Variants in KLHL29 observed in about 807,000 individuals in gnomAD.
KLHL29 encodes kelch-like protein 29.
Under a neutral mutation model 80.4 loss-of-function variants are expected in KLHL29, and 21 were observed. The ratio of observed to expected loss-of-function variants is 0.26; its 90% confidence interval spans 0.19 to 0.38. The LOEUF is 0.38. Among genes scored for constraint, KLHL29 ranks in the 10% least tolerant of loss-of-function variants. The pLI, the probability that KLHL29 is intolerant of heterozygous loss-of-function variation, is 1.00. For synonymous variants in KLHL29, 511 were observed against 526.8 expected (o/e 0.97, Z 0.41); for missense variants, 867 against 1,223.9 (o/e 0.71, Z 4.35).
At chr2:23,525,728 C>A (rs1032467314) in intron 2 of KLHL29, among the ~76,000 whole-genome samples, 11 of 53,648 alleles carry the variant, frequency 2.1e-4, no homozygotes, top group Admixed American at 4.4e-4. Context: ...CAGCCCCTGC[C>A]CCCCCCCCCC....
chr2:23,458,437 A>C (rs1184388102), intron 1 of KLHL29, among the ~76,000 whole-genome samples: 2 of 152,242 alleles, frequency 1.3e-5, no homozygotes. Context: ...CTCTATTGAC[A>C]AAACCAGCTG....
At chr2:23,441,518 GA>G (rs148996291) in intron 1 of KLHL29, among the ~76,000 whole-genome samples, 47 of 145,260 alleles carry the variant, frequency 3.2e-4, no homozygotes, top group African/African-American at 6.8e-4. Flanking sequence ...AGAAATCAGA[GA>G]AAAAAAAAAC....
intron 1 of KLHL29, among the ~76,000 whole-genome samples, chr2:23,429,149 T>G (rs1663094564): frequency 1.3e-5 from 2 of 152,214 alleles, no homozygotes; most frequent in Non-Finnish European, 2.9e-5. Context: ...TATGTTCACA[T>G]ACACCCAGGC....
intron 5 of KLHL29, among the ~76,000 whole-genome samples, chr2:23,671,089 T>C (rs1196047037): frequency 1.3e-5 from 2 of 150,216 alleles, no homozygotes; most frequent in East Asian, 4.0e-4. Context: ...TTCTGAGCTG[T>C]CATTAGCTCC....
At chr2:23,581,122 A>G (rs1210537422) in intron 3 of KLHL29, among the ~76,000 whole-genome samples, 3 of 152,148 alleles carry the variant, frequency 2.0e-5, no homozygotes, top group African/African-American at 7.2e-5. Flanking sequence ...CTCACATCCG[A>G]GAAAATAAGG....
chr2:23,553,526 T>C (rs1187085569), intron 2 of KLHL29, among the ~76,000 whole-genome samples: 2 of 152,136 alleles, frequency 1.3e-5, no homozygotes, highest in Non-Finnish European at 2.9e-5. Context: ...AACCCCACAT[T>C]TCATGTCCAC....
chr2:23,615,932 C>T (rs1302099711), intron 3 of KLHL29, among the ~76,000 whole-genome samples: 2 of 152,210 alleles, frequency 1.3e-5, no homozygotes, highest in Non-Finnish European at 2.9e-5. Flanking sequence ...TCCCCAGACC[C>T]CCTCTGCTTC....
chr2:23,671,432 G>A (rs570816514), intron 5 of KLHL29, among the ~76,000 whole-genome samples: 6 of 152,102 alleles, frequency 3.9e-5, no homozygotes, highest in Non-Finnish European at 8.8e-5. Flanking sequence ...GAAAGATTAG[G>A]TCTCCAGGAA....
At chr2:23,574,891 A>G (rs1667805065) in intron 3 of KLHL29, among the ~76,000 whole-genome samples, 1 of 152,124 alleles carries the variant, frequency 6.6e-6, no homozygotes, top group East Asian at 1.9e-4. Flanking sequence ...CCATCAGATG[A>G]TGGGTCTTCA....
chr2:23,631,243 G>A (rs1440749185), intron 3 of KLHL29, among the ~76,000 whole-genome samples: 2 of 152,134 alleles, frequency 1.3e-5, no homozygotes, highest in African/African-American at 4.8e-5. Context: ...CAGGCTCTCA[G>A]CAGGCTCGTT....
chr2:23,612,197 G>GA (rs1319224770), intron 3 of KLHL29, among the ~76,000 whole-genome samples: 5 of 152,182 alleles, frequency 3.3e-5, no homozygotes, highest in African/African-American at 1.2e-4. Flanking sequence ...TAAAACTGCT[G>GA]AAAATTAAAG....
At chr2:23,633,817 G>A (rs186328797) in intron 3 of KLHL29, among the ~76,000 whole-genome samples, 107 of 150,270 alleles carry the variant, frequency 7.1e-4, no homozygotes, top group South Asian at 1.0e-3. Context: ...TGGAAGCTCC[G>A]TGCTATGCTG....
At chr2:23,386,206 G>A (rs1353580668) in intron 1 of KLHL29, among the ~76,000 whole-genome samples, 1 of 152,028 alleles carries the variant, frequency 6.6e-6, no homozygotes, top group African/African-American at 2.4e-5. Flanking sequence ...TGGAGGCGAC[G>A]GAGGGCTGGC....
intron 3 of KLHL29, among the ~76,000 whole-genome samples, chr2:23,614,899 G>A (rs547850632): frequency 1.3e-5 from 2 of 152,302 alleles, no homozygotes; most frequent in East Asian, 1.9e-4. Context: ...AGAGAGGGGC[G>A]CCCTGGGCCC....
chr2:23,525,168 A>G (rs1220285557), intron 2 of KLHL29, among the ~76,000 whole-genome samples: 2 of 152,192 alleles, frequency 1.3e-5, no homozygotes, highest in Non-Finnish European at 2.9e-5. Flanking sequence ...CTGTCTCGGC[A>G]CGTAGGAGGG....
chr2:23,503,389 C>T lies in KLHL29; in HGVS notation c.-46+27722C>T, dbSNP rs896650753. Among the ~76,000 whole-genome samples the T allele has an allele frequency of 9.9e-5, 15 of 152,240 alleles. No individual in the cohort carries two copies. The highest frequency in any genetic ancestry group is 2.1e-4 in the Non-Finnish European group (14 of 68,046). On this transcript the variant is annotated intron_variant, in intron 2 of 13. Coordinates refer to ENST00000486442, the MANE Select transcript of KLHL29 (RefSeq NM_052920.2). The surrounding 1 kb of genome is among the most constrained non-coding windows in gnomAD (Gnocchi z 4.0). ...TGACCTTCCATGGCTCTATAATTCT[C>T]TTTGTTATCTTTGGCCACTTACATG...
intron 1 of KLHL29, among the ~76,000 whole-genome samples, chr2:23,411,508 T>A (rs1483117658): frequency 6.6e-6 from 1 of 151,072 alleles, no homozygotes; most frequent in Admixed American, 6.6e-5. Context: ...GCTGCCAAGG[T>A]AGGTAACATC....
At chr2:23,604,879 C>T (rs1668665616) in intron 3 of KLHL29, among the ~76,000 whole-genome samples, 2 of 152,188 alleles carry the variant, frequency 1.3e-5, no homozygotes, top group South Asian at 4.1e-4. Flanking sequence ...CAGCTGTGGG[C>T]TGCAGCCAAG....
intron 2 of KLHL29, among the ~76,000 whole-genome samples, chr2:23,477,551 T>A (rs1308597204): frequency 6.6e-6 from 1 of 152,174 alleles, no homozygotes; most frequent in African/African-American, 2.4e-5. Context: ...AGCAGCCCAG[T>A]GGGGGCAGCC....
Sources: allele counts gnomAD v4.1 joint callset (sites outside exome capture counted in the v4.1 genomes callset), GRCh38; gene constraint gnomAD v4.1.1; non-coding constraint Gnocchi (gnomAD v3.1); transcripts MANE v1.5; gene names NCBI Gene and HGNC (gene_info 2026-07-23, HGNC 2026-07-21).